NTRK2: variants seen among roughly 807,000 people sequenced by gnomAD.
The protein encoded by NTRK2 is BDNF/NT-3 growth factors receptor.
NTRK2 carries 13 observed loss-of-function variants against 94.5 expected under a neutral mutation model. That is an observed-to-expected ratio of 0.14 (90% CI 0.09 to 0.22). The LOEUF (loss-of-function observed/expected upper bound fraction) is 0.22, where lower values mean the gene tolerates loss of function less well. NTRK2 is among the 10% of genes least tolerant of loss of function. The pLI, the probability that NTRK2 is intolerant of heterozygous loss-of-function variation, is 1.00. For synonymous variants in NTRK2, 372 were observed against 407.4 expected, an observed-to-expected ratio of 0.91 and a Z score of 1.05; for missense variants, 639 against 1,071.2, an observed-to-expected ratio of 0.60 and a Z score of 5.63.
At chr9:84,931,140 C>T (rs1164292413) in intron 14 of NTRK2, among the ~76,000 whole-genome samples, 1 of 152,188 alleles carries the variant, frequency 6.6e-6, no homozygotes, top group Non-Finnish European at 1.5e-5. Context: ...GGCACGGTGG[C>T]TCACACCTGT....
At chr9:84,814,540 A>G (rs2072175773) in intron 12 of NTRK2, 7 of 1,065,790 alleles carry the variant, frequency 6.6e-6, no homozygotes, top group Non-Finnish European at 6.8e-6. Flanking sequence ...AACACACACG[A>G]CTTTTTATTC....
At chr9:84,681,743 G>C (rs2059405368) in intron 2 of NTRK2, among the ~76,000 whole-genome samples, 1 of 152,118 alleles carries the variant, frequency 6.6e-6, no homozygotes, top group Admixed American at 6.5e-5. Context: ...CTGAAATGCT[G>C]ATCTTATCCT....
intron 14 of NTRK2, among the ~76,000 whole-genome samples, chr9:84,889,656 G>A (rs941742572): frequency 3.3e-5 from 5 of 152,128 alleles, no homozygotes; most frequent in African/African-American, 1.2e-4. Context: ...CAAATGGTCA[G>A]CCAAACTTAG....
intron 12 of NTRK2, among the ~76,000 whole-genome samples, chr9:84,754,962 G>C (rs1026694334): frequency 6.6e-6 from 1 of 152,112 alleles, no homozygotes; most frequent in Non-Finnish European, 1.5e-5. Context: ...GATATGAAGG[G>C]CCCAGAGAAA....
intron 17 of NTRK2, among the ~76,000 whole-genome samples, chr9:84,984,940 A>G (rs776757443): frequency 6.6e-6 from 1 of 152,262 alleles, no homozygotes; most frequent in Non-Finnish European, 1.5e-5. Flanking sequence ...ATTAACATAT[A>G]AAACAGTGAA....
intron 2 of NTRK2, among the ~76,000 whole-genome samples, chr9:84,672,348 CTT>C (rs2058754073): frequency 6.6e-6 from 1 of 152,142 alleles, no homozygotes; most frequent in African/African-American, 2.4e-5. Flanking sequence ...GGATCTCTAT[CTT>C]TTTGGCAAGG....
Position 84,955,458 on chromosome 9 carries a change from C to T in NTRK2, c.2113C>T (p.Leu705=), listed in dbSNP as rs75380746. 9,882 of 1,614,222 alleles carry T rather than the reference C, an allele frequency of 6.1e-3. 103 individuals are homozygous for T. Among genetic ancestry groups the T allele is most frequent in the South Asian group, 0.016 (1,458 of 91,088 alleles). ...GAACTGCCTGGTCGGGGAGAACTTGCTGGTGAAAATCGGGGACTTTGGGAT... is the reference window on the plus strand; with the variant it reads ...GAACTGCCTGGTCGGGGAGAACTTGTTGGTGAAAATCGGGGACTTTGGGAT... ...TRNCLVGENL[L]VKIGDFGMSR... Residue 705 remains leucine, a synonymous_variant, in exon 17 of 19, where the codon CTG becomes TTG. Coordinates refer to ENST00000277120, the MANE Select transcript of NTRK2 (RefSeq NM_006180.6).
At chr9:84,777,966 C>T (rs1037282778) in intron 12 of NTRK2, among the ~76,000 whole-genome samples, 1 of 152,100 alleles carries the variant, frequency 6.6e-6, no homozygotes, top group East Asian at 1.9e-4. Flanking sequence ...TTTGATTTTT[C>T]GAAAAAGCTT....
At chr9:84,951,905 C>T (rs2078796940) in intron 16 of NTRK2, among the ~76,000 whole-genome samples, 1 of 152,146 alleles carries the variant, frequency 6.6e-6, no homozygotes, top group Non-Finnish European at 1.5e-5. Flanking sequence ...CCTCTTTATT[C>T]ATCCAGAAGC....
chr9:84,870,132 C>T (rs2075782050), intron 14 of NTRK2, among the ~76,000 whole-genome samples: 1 of 132,370 alleles, frequency 7.6e-6, no homozygotes, highest in Non-Finnish European at 1.6e-5. Context: ...TATATACACA[C>T]ACACACACAT....
intron 14 of NTRK2, among the ~76,000 whole-genome samples, chr9:84,919,863 G>A (rs2077508736): frequency 6.6e-6 from 1 of 152,196 alleles, no homozygotes; most frequent in African/African-American, 2.4e-5. Context: ...ATGAGGTTGT[G>A]AGGATCAGGT....
chr9:84,819,875 T>C (rs1587497987), intron 12 of NTRK2, among the ~76,000 whole-genome samples: 2 of 152,192 alleles, frequency 1.3e-5, no homozygotes, highest in South Asian at 2.1e-4. Context: ...CCCGCCCGCA[T>C]CTCTCTGTGT....
chr9:84,811,970 C>A (rs1169624831), intron 12 of NTRK2: 10 of 1,053,662 alleles, frequency 9.5e-6, no homozygotes, highest in Non-Finnish European at 1.1e-5. Flanking sequence ...AGGCCTGCAG[C>A]ATTTTGTTTG....
chr9:84,762,942 T>G (rs2065714088), intron 12 of NTRK2, among the ~76,000 whole-genome samples: 1 of 152,166 alleles, frequency 6.6e-6, no homozygotes, highest in South Asian at 2.1e-4. Flanking sequence ...AATTTCTGTA[T>G]GCTGGTGGCT....
chr9:84,860,996 A>C (rs199880373), intron 12 of NTRK2, 44 bp from the exon 13 acceptor site: 2 of 1,572,942 alleles, frequency 1.3e-6, no homozygotes, highest in Non-Finnish European at 1.7e-6. Context: ...TCCGGTTTCT[A>C]CTTCTCTTTC....
intron 14 of NTRK2, among the ~76,000 whole-genome samples, chr9:84,895,675 C>T (rs60334898): frequency 0.11 from 16,008 of 152,230 alleles, 1,296 homozygotes; most frequent in African/African-American, 0.22. Context: ...AATGTCTCAG[C>T]TCTTTGGGGA....
At chr9:84,719,229 GTATTTGAC>G (rs2061904977) in intron 6 of NTRK2, among the ~76,000 whole-genome samples, 1 of 152,068 alleles carries the variant, frequency 6.6e-6, no homozygotes, top group Non-Finnish European at 1.5e-5. Context: ...GTTGAATAAT[GTATTTGAC>G]TTTTCCAAAA....
At chr9:84,821,518 C>T (rs2072830143) in intron 12 of NTRK2, among the ~76,000 whole-genome samples, 1 of 152,166 alleles carries the variant, frequency 6.6e-6, no homozygotes, top group Non-Finnish European at 1.5e-5. Context: ...TTTGTTTTTA[C>T]TTCCTTATAA....
intron 17 of NTRK2, 88 bp downstream of exon 17, chr9:84,955,605 A>G: frequency 9.1e-7 from 1 of 1,098,096 alleles, no homozygotes; most frequent in Non-Finnish European, 1.4e-6. Flanking sequence ...GTCATAACAA[A>G]ATATCATGAC....
Sources: allele counts gnomAD v4.1 joint callset (sites outside exome capture counted in the v4.1 genomes callset), GRCh38; gene constraint gnomAD v4.1.1; transcripts MANE v1.5; gene names NCBI Gene and HGNC (gene_info 2026-07-23, HGNC 2026-07-21).